Variants in FAM114A2 observed in about 807,000 individuals in gnomAD.
FAM114A2 encodes family with sequence similarity 114 member A2.
FAM114A2 carries 53 observed loss-of-function variants against 58.4 expected under a neutral mutation model. The ratio of observed to expected loss-of-function variants is 0.91; its 90% confidence interval spans 0.73 to 1.14. The LOEUF (loss-of-function observed/expected upper bound fraction) is 1.14, where lower values mean the gene tolerates loss of function less well. Ranked by LOEUF, FAM114A2 falls within the 50% of genes most tolerant of loss-of-function variation. FAM114A2 has a pLI of 0.00. For missense variants in FAM114A2, 601 were observed against 581.1 expected (o/e 1.03, Z -0.35); for synonymous variants, 228 against 211.4 (o/e 1.08, Z -0.68).
At chr5:154,032,400 C>T (rs748430063) in intron 4 of FAM114A2, among the ~76,000 whole-genome samples, 3 of 152,184 alleles carry the variant, frequency 2.0e-5, no homozygotes, top group Non-Finnish European at 4.4e-5. Flanking sequence ...CTTCTTAAAA[C>T]ATGGCCCTCT....
intron 1 of FAM114A2, among the ~76,000 whole-genome samples, chr5:154,037,664 A>G (rs1350545605): frequency 6.6e-6 from 1 of 152,220 alleles, no homozygotes; most frequent in Non-Finnish European, 1.5e-5. Context: ...TATATAATAT[A>G]CATATTACAT....
At chr5:154,034,006 C>A (rs1772368214) in intron 3 of FAM114A2, 123 bp from the exon 4 acceptor site, 2 of 687,206 alleles carry the variant, frequency 2.9e-6, no homozygotes, top group Non-Finnish European at 5.1e-6. Flanking sequence ...CAATACATAA[C>A]TAATCTTGGC....
At chr5:154,032,557 G>T (rs1772271202) in intron 4 of FAM114A2, among the ~76,000 whole-genome samples, 1 of 152,102 alleles carries the variant, frequency 6.6e-6, no homozygotes, top group Admixed American at 6.6e-5. Context: ...AGCATCTCTT[G>T]CTGCTACATC....
In FAM114A2 at chr5:154,011,291, C is replaced by G. The variant is rs758228888; in HGVS notation, c.943G>C (p.Glu315Gln). 5.6e-6 allele frequency: 9 copies of G among 1,612,538 alleles called. No homozygotes were observed. The highest frequency in any genetic ancestry group is 6.8e-6 in the Non-Finnish European group (8 of 1,179,158). The change falls in exon 9 of 14, where the codon GAG (glutamate) becomes CAG (glutamine). Residue 315 changes from glutamate (E) to glutamine (Q), a missense_variant. Physicochemically the swap from Glu to Gln is conservative, Grantham distance 29. Transcript: ENST00000351797. ...GDEDFTKDITELFSQLHVSSK... is the reference protein window; with the variant it reads ...GDEDFTKDITQLFSQLHVSSK... ...GAAACGTGCAGCTGGGAAAACAGCTCTGTTATGTCCTTGGTAAAATCTTCA... is the reference window on the plus strand; with the variant it reads ...GAAACGTGCAGCTGGGAAAACAGCTGTGTTATGTCCTTGGTAAAATCTTCA...
chr5:154,012,203 A>G (rs1297016577), intron 8 of FAM114A2, among the ~76,000 whole-genome samples: 1 of 152,210 alleles, frequency 6.6e-6, no homozygotes, highest in African/African-American at 2.4e-5. Flanking sequence ...AGAGAAGCAA[A>G]GGGGATTCCA....
At chr5:154,038,799 G>T (rs933432417) in intron 1 of FAM114A2, 58 bp downstream of exon 1, 2 of 152,546 alleles carry the variant, frequency 1.3e-5, no homozygotes, top group African/African-American at 4.8e-5. Flanking sequence ...GACTTCGGCT[G>T]CCCGGGCCCT....
chr5:154,020,658 C>T (rs1771353244), intron 8 of FAM114A2, among the ~76,000 whole-genome samples: 1 of 152,108 alleles, frequency 6.6e-6, no homozygotes, highest in Non-Finnish European at 1.5e-5. Flanking sequence ...TAATTAATAG[C>T]TTACCAACCA....
At chr5:154,026,241 G>A in intron 8 of FAM114A2, 158 bp downstream of exon 8, 2 of 467,144 alleles carry the variant, frequency 4.3e-6, no homozygotes, top group Non-Finnish European at 6.9e-6. Context: ...CAGGTGCAAG[G>A]CTGCAGAGAA....
Position 154,027,401 on chromosome 5 carries a change from G to A in FAM114A2, c.631-67C>T, listed in dbSNP as rs528951600. 6.4e-4 allele frequency: 886 copies of A among 1,389,926 alleles called. 18 individuals are homozygous for A. In the South Asian group the frequency reaches 0.011, roughly 18 times the overall value. 86.1% of individuals were successfully genotyped at this position (1,389,926 alleles called of 1,614,324 possible). A position where few individuals can be genotyped will look rare whatever the true frequency, so the allele number is the denominator to read the frequency against. ...AGCTCAAGGGTGAGTTCTGAGAATT[G>A]AAGGAAGCAAAGCTTAGACAGGTTA... On this transcript the variant is annotated intron_variant, in intron 6 of 13. Transcript: ENST00000351797.
rs1487051174 is a variant in FAM114A2 at position 154,038,904 on chromosome 5, T to G, written c.-62A>C. On this transcript the variant is annotated 5_prime_UTR_variant, in exon 1 of 14. Coordinates refer to ENST00000351797, the MANE Select transcript of FAM114A2 (RefSeq NM_018691.4). ...ACAGCCACGGCAGCCGACTCGGCGT[T>G]CCTACTGCCCCGGAAGTGCTCCTTC... 1 of 152,498 alleles carries G rather than the reference T, an allele frequency of 6.6e-6. No individual in the cohort carries two copies. Among genetic ancestry groups the G allele is most frequent in the Non-Finnish European group, 1.5e-5 (1 of 68,302 alleles). The allele number at this position is 152,498 out of a possible 1,614,324, so 9.4% of individuals were successfully genotyped here. A position where few individuals can be genotyped will look rare whatever the true frequency, so the allele number is the denominator to read the frequency against.
intron 12 of FAM114A2, among the ~76,000 whole-genome samples, chr5:153,996,555 T>A (rs1464720525): frequency 7.5e-6 from 1 of 134,116 alleles, no homozygotes; most frequent in Non-Finnish European, 1.6e-5. Flanking sequence ...ATAAGAAACT[T>A]GTACTAGGAA....
At chr5:154,015,111 T>C (rs1042359210) in intron 8 of FAM114A2, among the ~76,000 whole-genome samples, 1 of 151,988 alleles carries the variant, frequency 6.6e-6, no homozygotes, top group East Asian at 1.9e-4. Context: ...CTGGACCTCA[T>C]CCCCATTCCC....
chr5:154,037,348 A>G (rs1037306130), intron 1 of FAM114A2: 4 of 152,240 alleles, frequency 2.6e-5, no homozygotes, highest in African/African-American at 9.6e-5. Flanking sequence ...TAGAGAAAAA[A>G]TCCAGATACA....
At chr5:154,025,941 A>G (rs921983708) in intron 8 of FAM114A2, among the ~76,000 whole-genome samples, 1 of 152,224 alleles carries the variant, frequency 6.6e-6, no homozygotes, top group Non-Finnish European at 1.5e-5. Flanking sequence ...ATAAAAAAAG[A>G]CAAACTATCA....
At chr5:154,037,361 T>C (rs1056413701) in intron 1 of FAM114A2, 2 of 152,222 alleles carry the variant, frequency 1.3e-5, no homozygotes, top group African/African-American at 4.8e-5. Context: ...CAGATACAAC[T>C]ACTCACTGAC....
intron 1 of FAM114A2, chr5:154,037,076 C>T (rs1772612208): frequency 6.6e-6 from 1 of 152,164 alleles, no homozygotes; most frequent in Non-Finnish European, 1.5e-5. Context: ...GTTGGCAACA[C>T]CTGCCTTAAA....
intron 4 of FAM114A2, among the ~76,000 whole-genome samples, chr5:154,033,350 T>C (rs1581840322): frequency 6.6e-6 from 1 of 152,344 alleles, no homozygotes; most frequent in Non-Finnish European, 1.5e-5. Flanking sequence ...AAGGCTAGCC[T>C]CTAGAATTAA....
intron 11 of FAM114A2, among the ~76,000 whole-genome samples, chr5:154,000,136 T>TA (rs531069524): frequency 2.1e-3 from 315 of 152,056 alleles, no homozygotes; most frequent in African/African-American, 7.1e-3. Flanking sequence ...ATGTGGGAGC[T>TA]AAAAAAACAT....
chr5:154,003,065 GC>G, intron 9 of FAM114A2, 96 bp from the exon 10 acceptor site: 3 of 1,099,846 alleles, frequency 2.7e-6, no homozygotes, highest in Non-Finnish European at 4.1e-6. Context: ...AGAAGTAAGG[GC>G]TCCTGTTCTT....
Sources: allele counts gnomAD v4.1 joint callset (sites outside exome capture counted in the v4.1 genomes callset), GRCh38; gene constraint gnomAD v4.1.1; transcripts MANE v1.5; gene names NCBI Gene and HGNC (gene_info 2026-07-23, HGNC 2026-07-21).